Variants in PRKN observed in about 807,000 individuals in gnomAD.
PRKN encodes the protein parkin RBR E3 ubiquitin protein ligase.
A neutral mutation model predicts 59.5 loss-of-function variants in PRKN; 56 were observed. That is an observed-to-expected ratio of 0.94 (90% CI 0.76 to 1.18). PRKN has a LOEUF of 1.18. PRKN is among the 50% of genes most tolerant of loss of function. The pLI is 0.00. For missense variants in PRKN, 657 were observed against 596.4 expected (o/e 1.10, Z -1.06); for synonymous variants, 250 against 222.1 (o/e 1.13, Z -1.12).
At chr6:161,570,775 T>C (rs937722543) in intron 7 of PRKN, among the ~76,000 whole-genome samples, 1 of 152,224 alleles carries the variant, frequency 6.6e-6, no homozygotes, top group African/African-American at 2.4e-5. Flanking sequence ...AAGTTCCACA[T>C]AGTTTTTTGA....
chr6:161,716,132 C>G, intron 7 of PRKN: 1 of 1,342,704 alleles, frequency 7.4e-7, no homozygotes, highest in Non-Finnish European at 9.8e-7. Flanking sequence ...TCTCCAGTTC[C>G]TGGTCAAATA....
Position 161,378,258 on chromosome 6 carries a change from C to T in PRKN, c.1167+8536G>A, listed in dbSNP as rs1290596689. ...ATGGAGGGATCCGGCCAGTGGACCA[C>T]TGCCAGCCTCCGCCACTGGCCACAG... On this transcript the variant is annotated intron_variant, in intron 10 of 11. Transcript: ENST00000366898. This position sits in a 1 kb window ranked among gnomAD's most constrained non-coding sequence, Gnocchi z 7.3. Among the ~76,000 whole-genome samples, 1 of 152,164 alleles carries T rather than the reference C, an allele frequency of 6.6e-6. No homozygotes were observed. Among genetic ancestry groups the T allele is most frequent in the Non-Finnish European group, 1.5e-5 (1 of 68,034 alleles).
At position 162,010,585 on chromosome 6, in the gene PRKN, T is replaced by A. The variant is rs185812280; in HGVS notation, c.619-37168A>T. Reference sequence around the variant, plus strand: ...TAATATATTATATAATGTATTATATTATATATAATATAATATATATTATAT... The same window carrying A: ...TAATATATTATATAATGTATTATATAATATATAATATAATATATATTATAT... On this transcript the variant is annotated intron_variant, in intron 5 of 11. Transcript: ENST00000366898. Among the ~76,000 whole-genome samples the A allele has an allele frequency of 7.0e-3, 40 of 5,712 alleles. 5 individuals are homozygous for A. Among genetic ancestry groups the A allele is most frequent in the African/African-American group, 0.051 (16 of 312 alleles). The allele number at this position is 5,712 out of a possible 152,430, so 3.7% of individuals were successfully genotyped here.
chr6:162,468,251 A>G (rs189817057), intron 1 of PRKN, among the ~76,000 whole-genome samples: 30 of 152,326 alleles, frequency 2.0e-4, no homozygotes, highest in Admixed American at 3.9e-4. Context: ...CACTAATTAG[A>G]ATGCCTGGCA....
rs1386320775 is a variant in PRKN at position 161,527,565 on chromosome 6, G to A, written c.1083+21289C>T. ...GGCCTCTCTCTGCCTGAGGGGTGGA[G>A]TGAGGAACATCTGCCCATGGGTAGT... On this transcript the variant is annotated intron_variant, in intron 9 of 11. Coordinates refer to ENST00000366898, the MANE Select transcript of PRKN (RefSeq NM_004562.3). The surrounding 1 kb of genome is among the most constrained non-coding windows in gnomAD (Gnocchi z 4.6). Among the ~76,000 whole-genome samples the A allele has an allele frequency of 2.0e-5, 3 of 152,184 alleles. No homozygotes were observed. The highest frequency in any genetic ancestry group is 1.3e-4 in the Admixed American group (2 of 15,280).
At chr6:162,236,025 C>T (rs183729810) in intron 3 of PRKN, among the ~76,000 whole-genome samples, 15 of 112,992 alleles carry the variant, frequency 1.3e-4, no homozygotes, top group South Asian at 3.2e-4. Flanking sequence ...AAGAAAGAAA[C>T]TCCTCACCCT....
intron 6 of PRKN, among the ~76,000 whole-genome samples, chr6:161,859,678 G>T (rs548835346): frequency 4.4e-4 from 66 of 149,368 alleles, no homozygotes; most frequent in African/African-American, 1.5e-3. Context: ...AACAAAAACA[G>T]TCCTGCTTCT....
At chr6:162,139,505 C>T (rs951804370) in intron 4 of PRKN, among the ~76,000 whole-genome samples, 1 of 151,974 alleles carries the variant, frequency 6.6e-6, no homozygotes, top group Non-Finnish European at 1.5e-5. Flanking sequence ...TGGGAAGGGC[C>T]CACTGCAGGG....
rs1158131398 is a variant in PRKN at position 161,550,347 on chromosome 6, C to G, written c.934-1344G>C. ...CCAGAACCACTGCAGAACTCTGAGGCTGAGGCATGACATAATTTGACTAAT... is the reference window on the plus strand; with the variant it reads ...CCAGAACCACTGCAGAACTCTGAGGGTGAGGCATGACATAATTTGACTAAT... On this transcript the variant is annotated intron_variant, in intron 8 of 11. Transcript: ENST00000366898. This position sits in a 1 kb window ranked among gnomAD's most constrained non-coding sequence, Gnocchi z 4.0. Among the ~76,000 whole-genome samples, 1 of 152,164 alleles carries G rather than the reference C, an allele frequency of 6.6e-6. No homozygotes were observed. The highest frequency in any genetic ancestry group is 1.5e-5 in the Non-Finnish European group (1 of 68,034).
At chr6:162,379,515 T>G (rs1394997023) in intron 2 of PRKN, among the ~76,000 whole-genome samples, 1 of 152,196 alleles carries the variant, frequency 6.6e-6, no homozygotes, top group East Asian at 1.9e-4. Context: ...TACTTCAAGT[T>G]TCTAAATAAA....
intron 9 of PRKN, among the ~76,000 whole-genome samples, chr6:161,536,869 T>A (rs571531289): frequency 6.6e-6 from 1 of 152,324 alleles, no homozygotes; most frequent in South Asian, 2.1e-4. Flanking sequence ...CACAGTGACA[T>A]AGCCTCCAAA....
intron 6 of PRKN, among the ~76,000 whole-genome samples, chr6:161,946,161 A>C (rs1382798017): frequency 6.6e-6 from 1 of 152,126 alleles, no homozygotes; most frequent in Non-Finnish European, 1.5e-5. Context: ...GAGACAGCAG[A>C]ATATGCTTAG....
chr6:162,237,655 T>A (rs1487864884), intron 3 of PRKN, among the ~76,000 whole-genome samples: 1 of 152,114 alleles, frequency 6.6e-6, no homozygotes, highest in South Asian at 2.1e-4. Context: ...ATCCCAGTTT[T>A]AAGGAAGAAC....
At position 162,105,796 on chromosome 6, in the gene PRKN, A is replaced by G. The variant is rs984622733; in HGVS notation, c.535-51622T>C. The stretch of plus-strand genomic sequence containing the variant: ...TGAGAACAATAGAGCAGTAAAAGAA[A>G]GGCATAAATCTGAACCAAATATGAA... On this transcript the variant is annotated intron_variant, in intron 4 of 11. Transcript: ENST00000366898. Among the ~76,000 whole-genome samples, 7 of 152,254 alleles carry G rather than the reference A, an allele frequency of 4.6e-5. No individual in the cohort carries two copies. The East Asian group carries it at 1.3e-3, about 29-fold the overall frequency.
intron 2 of PRKN, among the ~76,000 whole-genome samples, chr6:162,309,006 G>A (rs113093856): frequency 6.6e-6 from 1 of 152,050 alleles, no homozygotes; most frequent in Non-Finnish European, 1.5e-5. Flanking sequence ...ATGTAATTTA[G>A]TCAGGTATCT....
chr6:162,399,888 C>T (rs1787674289), intron 2 of PRKN, among the ~76,000 whole-genome samples: 1 of 152,066 alleles, frequency 6.6e-6, no homozygotes, highest in African/African-American at 2.4e-5. Flanking sequence ...AGCTAAACGG[C>T]CTGTATGATT....
Position 161,419,984 on chromosome 6 carries a change from A to C in PRKN, c.1084-33107T>G, listed in dbSNP as rs558899553. 1.2e-3 allele frequency among the ~76,000 whole-genome samples: 187 copies of C among 151,848 alleles called. 1 individual carries two copies. The highest frequency in any genetic ancestry group is 4.1e-3 in the African/African-American group (168 of 41,450). On this transcript the variant is annotated intron_variant, in intron 9 of 11. Transcript: ENST00000366898. This position sits in a 1 kb window ranked among gnomAD's most constrained non-coding sequence, Gnocchi z 4.1. ...CTGGGCGTGGTGGCTCACGCCTGTA[A>C]TCCCAGCACTTTGGGAGGCTGAGGA... is the stretch of plus-strand genomic sequence containing the variant.
intron 4 of PRKN, among the ~76,000 whole-genome samples, chr6:162,109,204 C>A (rs556981081): frequency 1.6e-4 from 25 of 152,298 alleles, no homozygotes; most frequent in African/African-American, 4.8e-4. Context: ...CAGCCCAGCC[C>A]TATTTTAGCT....
chr6:161,350,207 G>A lies in PRKN; in HGVS notation c.1290C>T (p.Gly430=), dbSNP rs1267567025. 2 of 1,611,652 alleles carry A rather than the reference G, an allele frequency of 1.2e-6. No homozygotes were observed. Among genetic ancestry groups the A allele is most frequent in the African/African-American group, 1.3e-5 (1 of 74,894 alleles). Residue 430 remains glycine, a synonymous_variant, in exon 12 of 12, where the codon GGC becomes GGT. Coordinates refer to ENST00000366898, the MANE Select transcript of PRKN (RefSeq NM_004562.3). ...RCHVPVEKNG[G]CMHMKCPQPQ... ...GCTGCGGACACTTCATGTGCATGCAGCCTCCTGTTGGGGGCAGAAAACAAA... is the reference window on the plus strand; with the variant it reads ...GCTGCGGACACTTCATGTGCATGCAACCTCCTGTTGGGGGCAGAAAACAAA...
Sources: allele counts gnomAD v4.1 joint callset (sites outside exome capture counted in the v4.1 genomes callset), GRCh38; gene constraint gnomAD v4.1.1; non-coding constraint Gnocchi (gnomAD v3.1); transcripts MANE v1.5; gene names NCBI Gene and HGNC (gene_info 2026-07-23, HGNC 2026-07-21).